Variants in UBR4 observed in about 807,000 individuals in gnomAD.
UBR4 encodes the protein E3 ubiquitin-protein ligase UBR4.
Under a neutral mutation model 575.6 loss-of-function variants are expected in UBR4, and 124 were observed. That is an observed-to-expected ratio of 0.22 (90% CI 0.19 to 0.25). UBR4 has a LOEUF of 0.25. UBR4 is among the 10% of genes least tolerant of loss of function. UBR4 has a pLI of 1.00. For synonymous variants in UBR4, 2,455 were observed against 2,473.7 expected (o/e 0.99, Z 0.22); for missense variants, 4,818 against 6,478.8 (o/e 0.74, Z 8.80).
chr1:19,119,416 A>C, intron 70 of UBR4, 141 bp downstream of exon 70: 1 of 1,222,932 alleles, frequency 8.2e-7, no homozygotes, highest in African/African-American at 1.5e-5. Context: ...AGTGCTTACC[A>C]AGAAATGCAA....
At position 19,210,067 on chromosome 1, in the gene UBR4, C is replaced by A; in HGVS notation, c.176+6G>T. 6.5e-7 allele frequency: 1 copy of A among 1,548,752 alleles called. No individual in the cohort carries two copies. The highest frequency in any genetic ancestry group is 8.7e-7 in the Non-Finnish European group (1 of 1,149,248). On this transcript the variant is annotated splice_donor_region_variant and intron_variant, in intron 1 of 105. Transcript: ENST00000375254. ...AGCGTCGCCCGCCAGAGCCGCCGCC[C>A]GGTACCTCTCGATGACTGAGGCCAC...
At position 19,110,747 on chromosome 1, in the gene UBR4, C is replaced by G. The variant is rs549822997; in HGVS notation, c.11887G>C (p.Asp3963His). Residue 3963 changes from aspartate to histidine, a missense_variant, in exon 79 of 106, where the codon GAT (aspartate) becomes CAT (histidine). Physicochemically the swap from Asp to His is moderately conservative, Grantham distance 81. Transcript: ENST00000375254. This position sits in a 1 kb window ranked among gnomAD's most constrained non-coding sequence, Gnocchi z 4.5. ...TALKGHWANPDLASSLQYEML... is the reference protein window; with the variant it reads ...TALKGHWANPHLASSLQYEML... ...GGCCTGCTAGGCCGGCTCACCAGAT[C>G]GGGGTTGGCCCAGTGGCCCTTCAGG... 1.2e-6 allele frequency: 2 copies of G among 1,614,082 alleles called. No homozygotes were observed. The highest frequency in any genetic ancestry group is 1.7e-6 in the Non-Finnish European group (2 of 1,180,024).
chr1:19,089,582 A>G lies in UBR4; in HGVS notation c.14212-605T>C, dbSNP rs1325229851. Among the ~76,000 whole-genome samples the G allele has an allele frequency of 1.3e-5, 2 of 152,246 alleles. No homozygotes were observed. The highest frequency in any genetic ancestry group is 6.5e-5 in the Admixed American group (1 of 15,286). On this transcript the variant is annotated intron_variant, in intron 97 of 105. Transcript: ENST00000375254. The surrounding 1 kb of genome is among the most constrained non-coding windows in gnomAD (Gnocchi z 4.3). ...GAAAAAGCTGGAAGTCACTACGTAT[A>G]GCGCTATGTGATAAACGGGGGTGGA...
At chr1:19,156,150 A>G in intron 42 of UBR4, 121 bp downstream of exon 42, 1 of 1,327,250 alleles carries the variant, frequency 7.5e-7, no homozygotes, top group Non-Finnish European at 1.0e-6. Flanking sequence ...CTGGTACTAC[A>G]GGTGAAAGTC....
At chr1:19,119,457 A>G in intron 70 of UBR4, 100 bp downstream of exon 70, 2 of 1,480,096 alleles carry the variant, frequency 1.4e-6, no homozygotes, top group Non-Finnish European at 1.8e-6. Flanking sequence ...GGTTTCCTAT[A>G]TGGACTCCCT....
chr1:19,210,209 G>GAGCCGCTGCCGCCGC lies in UBR4; in HGVS notation c.25_39dup (p.Ala9_Ala13dup), dbSNP rs1553245793. 6.9e-7 allele frequency: 1 copy of GAGCCGCTGCCGCCGC among 1,456,210 alleles called. No individual in the cohort carries two copies. Among genetic ancestry groups the GAGCCGCTGCCGCCGC allele is most frequent in the African/African-American group, 1.5e-5 (1 of 67,274 alleles). 90.2% of individuals were successfully genotyped at this position (1,456,210 alleles called of 1,614,324 possible). A position where few individuals can be genotyped will look rare whatever the true frequency, so the allele number is the denominator to read the frequency against. ...CCCGTTGCCGGGGTCCCCGGCGCCG[G>GAGCCGCTGCCGCCGC]AGCCGCTGCCGCCGCCTCTTCGCCG... On this transcript the variant is annotated inframe_insertion, in exon 1 of 106. Transcript: ENST00000375254.
chr1:19,160,291 A>C lies in UBR4; in HGVS notation c.5407-10T>G. 1.3e-6 allele frequency: 2 copies of C among 1,588,872 alleles called. No homozygotes were observed. Among genetic ancestry groups the C allele is most frequent in the Non-Finnish European group, 1.7e-6 (2 of 1,169,328 alleles). On this transcript the variant is annotated splice_polypyrimidine_tract_variant and intron_variant, in intron 38 of 105. Transcript: ENST00000375254. ...CGAAGGAGAAATTGGCCTGAGAAAA[A>C]TAGAAAAAATACACCAGTGAAAAAA... is the stretch of plus-strand genomic sequence containing the variant.
rs374348061 is a variant in UBR4, at chr1:19,164,358, G to A, written c.4595C>T (p.Thr1532Ile). The change falls in exon 33 of 106, where the codon ACT (threonine) becomes ATT (isoleucine). Residue 1532 changes from threonine (T) to isoleucine (I), a missense_variant. Around this residue, in one of 29 missense-constraint regions of UBR4, gnomAD observed 1,172 missense variants for 1,259.7 expected, o/e 0.93. Coordinates refer to ENST00000375254, the MANE Select transcript of UBR4 (RefSeq NM_020765.3). Reference sequence around the variant, plus strand: ...CACAACCATAAGTTCAGGGAAGCCAGTCCCATCACCGTTGGCCAGCATCTC... The same window carrying A: ...CACAACCATAAGTTCAGGGAAGCCAATCCCATCACCGTTGGCCAGCATCTC... ...ATEMLANGDG[T>I]GFPELMVVMA... The A allele has an allele frequency of 3.1e-6, 5 of 1,614,084 alleles. No homozygotes were observed. The African/African-American group carries it at 6.7e-5, about 22-fold the overall frequency.
chr1:19,094,886 A>T lies in UBR4; in HGVS notation c.13746+20T>A. ...GCAGGCTCTCAGTGCCTGCAGATGG[A>T]GGGGCCGAGCCCCACTCACCTTGTC... On this transcript the variant is annotated intron_variant, in intron 94 of 105. Transcript: ENST00000375254. 6.2e-7 allele frequency: 1 copy of T among 1,611,850 alleles called. No homozygotes were observed. Among genetic ancestry groups the T allele is most frequent in the Non-Finnish European group, 8.5e-7 (1 of 1,179,658 alleles).
intron 29 of UBR4, among the ~76,000 whole-genome samples, chr1:19,166,254 C>T (rs1419701892): frequency 6.6e-6 from 1 of 152,200 alleles, no homozygotes; most frequent in Non-Finnish European, 1.5e-5. Context: ...CTGTTCTTTA[C>T]AGCTCATCTA....
intron 18 of UBR4, 72 bp from the exon 19 acceptor site, chr1:19,177,815 T>C (rs1455838903): frequency 2.6e-5 from 39 of 1,488,066 alleles, no homozygotes; most frequent in African/African-American, 4.2e-5. Context: ...TGTCAAGCAC[T>C]AGAAGAGTTA....
chr1:19,121,254 G>A lies in UBR4; in HGVS notation c.10076C>T (p.Ala3359Val). The stretch of plus-strand genomic sequence containing the variant: ...AGTGGAAGACTTGGACTGTGTTGTG[G>A]CTTGTCCAGAACTGGCAGCCACAGG... Reference protein sequence around the residue: ...SAPVAASSGQATTQSKSSTKK... With the variant: ...SAPVAASSGQVTTQSKSSTKK... The change falls in exon 68 of 106, where the codon GCC (alanine) becomes GTC (valine). Residue 3359 changes from alanine to valine, a missense_variant. Coordinates refer to ENST00000375254, the MANE Select transcript of UBR4 (RefSeq NM_020765.3). 1 of 1,614,150 alleles carries A rather than the reference G, an allele frequency of 6.2e-7. No individual in the cohort carries two copies. Among genetic ancestry groups the A allele is most frequent in the Non-Finnish European group, 8.5e-7 (1 of 1,180,020 alleles).
intron 78 of UBR4, chr1:19,111,592 C>G (rs1388181969): frequency 1.3e-5 from 2 of 152,210 alleles, no homozygotes; most frequent in Non-Finnish European, 2.9e-5. Flanking sequence ...GCTGGGATTA[C>G]AGGTGTGAGC....
rs760684550 is a variant in UBR4 at position 19,100,544 on chromosome 1, C to G, written c.13053G>C (p.Val4351=). ...PEENEVTEFF[V]TLEKDPQQED... The stretch of plus-strand genomic sequence containing the variant: ...CTTGTTGGGGATCCTTCTCCAGGGT[C>G]ACAAAGAACTCAGTGACTTCATTCT... The change falls in exon 89 of 106, where the codon GTG becomes GTC. Residue 4351 remains valine (V), a synonymous_variant. Coordinates refer to ENST00000375254, the MANE Select transcript of UBR4 (RefSeq NM_020765.3). This position sits in a 1 kb window ranked among gnomAD's most constrained non-coding sequence, Gnocchi z 4.2. 6.2e-6 allele frequency: 10 copies of G among 1,614,010 alleles called. No homozygotes were observed. The South Asian group carries it at 7.7e-5, about 12-fold the overall frequency.
chr1:19,104,344 A>T, intron 86 of UBR4, 87 bp from the exon 87 acceptor site: 1 of 1,503,402 alleles, frequency 6.7e-7, no homozygotes, highest in Non-Finnish European at 9.0e-7. Flanking sequence ...AGCAACTCAA[A>T]AAGCAGGGAA....
Position 19,088,162 on chromosome 1 carries a change from C to T in UBR4, c.14431-233G>A, listed in dbSNP as rs753403558. Among the ~76,000 whole-genome samples the T allele has an allele frequency of 6.6e-6, 1 of 152,250 alleles. No homozygotes were observed. The highest frequency in any genetic ancestry group is 1.9e-4 in the East Asian group (1 of 5,198). On this transcript the variant is annotated intron_variant, in intron 98 of 105. Transcript: ENST00000375254. The surrounding 1 kb of genome is among the most constrained non-coding windows in gnomAD (Gnocchi z 4.0). ...GGAAGTCATCCAGCTGGAGCCCTGG[C>T]AAGGTGCCACCTGCCATCAGAAAAG...
intron 60 of UBR4, among the ~76,000 whole-genome samples, chr1:19,131,659 A>T (rs1277646198): frequency 6.6e-6 from 1 of 152,216 alleles, no homozygotes; most frequent in Non-Finnish European, 1.5e-5. Flanking sequence ...AGATCATCTG[A>T]GGTCAAAAGT....
At chr1:19,197,521 CA>C (rs2092532496) in intron 7 of UBR4, 148 bp downstream of exon 7, 2 of 1,204,876 alleles carry the variant, frequency 1.7e-6, no homozygotes, top group Non-Finnish European at 2.3e-6. Flanking sequence ...CCCAGCTACT[CA>C]GGAGGCTGAG....
At chr1:19,193,763 A>C (rs1422245984) in intron 8 of UBR4, among the ~76,000 whole-genome samples, 1 of 152,132 alleles carries the variant, frequency 6.6e-6, no homozygotes, top group African/African-American at 2.4e-5. Context: ...GAAAACTTAC[A>C]CGCGCGCACA....
Sources: allele counts gnomAD v4.1 joint callset (sites outside exome capture counted in the v4.1 genomes callset), GRCh38; gene constraint gnomAD v4.1.1; regional missense constraint gnomAD v4.1.1; non-coding constraint Gnocchi (gnomAD v3.1); transcripts MANE v1.5; gene names NCBI Gene and HGNC (gene_info 2026-07-23, HGNC 2026-07-21).